CCSER1: variants seen among roughly 807,000 people sequenced by gnomAD.
CCSER1 encodes serine-rich coiled-coil domain-containing protein 1.
In CCSER1, 41 loss-of-function variants were observed where a neutral mutation model predicts 82.0. The ratio of observed to expected loss-of-function variants is 0.50; its 90% CI spans 0.39 to 0.65. The LOEUF (loss-of-function observed/expected upper bound fraction) is 0.65, where lower values mean the gene tolerates loss of function less well. Among genes scored for constraint, CCSER1 ranks in the 30% least tolerant of loss-of-function variants. The pLI, the probability that CCSER1 is intolerant of heterozygous loss-of-function variation, is 0.00. For missense variants in CCSER1, 1,119 were observed against 1,064.2 expected (o/e 1.05, Z -0.72); for synonymous variants, 414 against 383.9 (o/e 1.08, Z -0.92).
chr4:91,419,518 T>C (rs879694787), intron 10 of CCSER1, among the ~76,000 whole-genome samples: 8 of 152,052 alleles, frequency 5.3e-5, no homozygotes, highest in Middle Eastern at 3.2e-3. Flanking sequence ...AAAACATCTG[T>C]ACACCTAAAA....
intron 10 of CCSER1, among the ~76,000 whole-genome samples, chr4:91,117,562 C>A (rs901222042): frequency 5.3e-5 from 8 of 152,126 alleles, no homozygotes; most frequent in Non-Finnish European, 1.2e-4. Flanking sequence ...TAAGAAGAAA[C>A]CAAAACCATC....
intron 10 of CCSER1, among the ~76,000 whole-genome samples, chr4:91,356,648 A>G (rs1419275019): frequency 2.0e-5 from 3 of 152,224 alleles, no homozygotes; most frequent in Admixed American, 6.5e-5. Flanking sequence ...GTCCACCACA[A>G]TACCACCACA....
chr4:91,589,282 T>G (rs527883928), intron 10 of CCSER1, among the ~76,000 whole-genome samples: 1 of 151,922 alleles, frequency 6.6e-6, no homozygotes, highest in African/African-American at 2.4e-5. Context: ...AGCAAGAAAT[T>G]TAGGGCTCAC....
intron 5 of CCSER1, among the ~76,000 whole-genome samples, chr4:90,529,950 TA>T (rs200616559): frequency 0.018 from 2,152 of 118,686 alleles, 23 homozygotes; most frequent in Middle Eastern, 0.03. Flanking sequence ...TATATATATA[TA>T]TTTTTTTTTT....
chr4:90,967,705 A>C (rs965897312), intron 9 of CCSER1, among the ~76,000 whole-genome samples: 2 of 152,080 alleles, frequency 1.3e-5, no homozygotes, highest in African/African-American at 4.8e-5. Context: ...ATTGGATTTC[A>C]ACAAAATTAA....
intron 10 of CCSER1, among the ~76,000 whole-genome samples, chr4:91,325,968 C>A: frequency 7.1e-6 from 1 of 141,280 alleles, no homozygotes; most frequent in South Asian, 2.4e-4. Flanking sequence ...CTAGAGTTTT[C>A]TTTGAAAGAG....
chr4:91,493,758 T>C (rs1487806814), intron 10 of CCSER1, among the ~76,000 whole-genome samples: 2 of 151,790 alleles, frequency 1.3e-5, no homozygotes, highest in Non-Finnish European at 2.9e-5. Context: ...CATGAGGTGA[T>C]TCCTTATCAA....
chr4:91,277,617 T>G (rs1436194803), intron 10 of CCSER1, among the ~76,000 whole-genome samples: 7 of 151,678 alleles, frequency 4.6e-5, no homozygotes, highest in Non-Finnish European at 2.9e-5. Context: ...TTTACTTATC[T>G]TTTTTAAAAA....
intron 7 of CCSER1, among the ~76,000 whole-genome samples, chr4:90,738,444 G>A (rs7681018): frequency 0.074 from 11,304 of 152,090 alleles, 494 homozygotes; most frequent in Admixed American, 0.12. Flanking sequence ...GATTCTTGTT[G>A]TTTTCTCTTA....
intron 10 of CCSER1, among the ~76,000 whole-genome samples, chr4:91,372,529 TTC>T (rs934979658): frequency 5.3e-4 from 81 of 152,026 alleles, no homozygotes; most frequent in African/African-American, 1.8e-3. Flanking sequence ...AATTCTATTG[TTC>T]TTTCTTTTTT....
chr4:90,604,594 C>T (rs950086753), intron 5 of CCSER1, among the ~76,000 whole-genome samples: 5 of 152,166 alleles, frequency 3.3e-5, no homozygotes, highest in South Asian at 2.1e-4. Flanking sequence ...GCGAGCTGCC[C>T]GCTTCCGGGA....
chr4:91,174,432 A>G (rs1039322567), intron 10 of CCSER1, among the ~76,000 whole-genome samples: 5 of 152,106 alleles, frequency 3.3e-5, no homozygotes, highest in Admixed American at 6.6e-5. Context: ...ATGGACAAAC[A>G]TTTTTTAATA....
rs559556287 is a variant in CCSER1, at chr4:91,440,619, C to A, written c.2218-157953C>A. Among the ~76,000 whole-genome samples the A allele has an allele frequency of 1.8e-4, 28 of 152,154 alleles. No individual in the cohort carries two copies. In the East Asian group the frequency reaches 5.2e-3, roughly 28 times the overall value. ...GGAGAAGGCAAGAAATAACTAAAAT[C>A]AGAGCAGAACTGAAGGAAATAGAGA... On this transcript the variant is annotated intron_variant, in intron 10 of 10. Coordinates refer to ENST00000509176, the MANE Select transcript of CCSER1 (RefSeq NM_001145065.2).
intron 7 of CCSER1, among the ~76,000 whole-genome samples, chr4:90,742,492 C>A (rs1033954086): frequency 1.3e-5 from 2 of 152,014 alleles, no homozygotes; most frequent in African/African-American, 4.8e-5. Flanking sequence ...AAACAGGTCT[C>A]AGAAAATGCT....
At chr4:90,180,547 C>G (rs769522591) in intron 1 of CCSER1, among the ~76,000 whole-genome samples, 37 of 152,026 alleles carry the variant, frequency 2.4e-4, no homozygotes, top group Non-Finnish European at 5.0e-4. Context: ...TAAGATTTTA[C>G]CACTGCACTC....
rs967540992 is a variant in CCSER1 at position 90,502,393 on chromosome 4, C to T, written c.1724+34039C>T. On this transcript the variant is annotated intron_variant, in intron 5 of 10. Transcript: ENST00000509176. ...GGAGAAGAACAAAGAGGAAATCTGT[C>T]CCCATGATCCAATCACCTCCCACCA... Among the ~76,000 whole-genome samples the T allele has an allele frequency of 6.6e-5, 10 of 152,270 alleles. No individual in the cohort carries two copies. The East Asian group carries it at 1.5e-3, about 24-fold the overall frequency.
intron 7 of CCSER1, among the ~76,000 whole-genome samples, chr4:90,775,389 G>A (rs1205004426): frequency 2.6e-5 from 4 of 152,238 alleles, no homozygotes; most frequent in African/African-American, 9.6e-5. Context: ...TAACATAGAT[G>A]TATTGTTCTA....
chr4:90,672,625 T>G (rs1166960696), intron 6 of CCSER1, among the ~76,000 whole-genome samples: 1 of 152,060 alleles, frequency 6.6e-6, no homozygotes, highest in Non-Finnish European at 1.5e-5. Flanking sequence ...TTTTCTTTGC[T>G]TTCACAACTT....
At chr4:90,688,027 T>C (rs1367063963) in intron 6 of CCSER1, among the ~76,000 whole-genome samples, 1 of 152,140 alleles carries the variant, frequency 6.6e-6, no homozygotes, top group East Asian at 1.9e-4. Flanking sequence ...TCATAAACAT[T>C]TCTTTAAATG....
Sources: gnomAD v4.1 joint callset for allele counts (sites outside exome capture counted in the v4.1 genomes callset) on GRCh38, gnomAD v4.1.1 for gene constraint, MANE v1.5 for transcripts, NCBI Gene and HGNC (gene_info 2026-07-23, HGNC 2026-07-21) for gene names.